Variants in FAM241A observed in about 807,000 individuals in gnomAD.
The protein encoded by FAM241A is uncharacterized protein FAM241A.
FAM241A carries 7 observed loss-of-function variants against 12.2 expected under a neutral mutation model. That is an observed-to-expected ratio of 0.58 (90% CI 0.33 to 1.08). The LOEUF (loss-of-function observed/expected upper bound fraction) is 1.08, where lower values mean the gene tolerates loss of function less well. Ranked by LOEUF, FAM241A falls within the 50% of genes least tolerant of loss-of-function variation. The pLI is 0.04. For missense variants in FAM241A, 161 were observed against 169.7 expected (o/e 0.95, Z 0.29); for synonymous variants, 74 against 68.2 (o/e 1.08, Z -0.42).
intron 1 of FAM241A, among the ~76,000 whole-genome samples, chr4:112,152,857 G>A (rs925731332): frequency 3.3e-5 from 5 of 152,138 alleles, no homozygotes; most frequent in African/African-American, 9.7e-5. Context: ...TTCCTCATTT[G>A]TAATGGGTAT....
intron 1 of FAM241A, among the ~76,000 whole-genome samples, chr4:112,167,121 AAAAAAATAAAAAT>A (rs1723614908): frequency 6.7e-6 from 1 of 150,276 alleles, no homozygotes; most frequent in Non-Finnish European, 1.5e-5. Flanking sequence ...CTCAAAAAAA[AAAAAAATAAAAAT>A]AAAAAATAAA....
intron 1 of FAM241A, among the ~76,000 whole-genome samples, chr4:112,181,072 AT>A (rs1359934547): frequency 1.3e-5 from 2 of 152,180 alleles, no homozygotes; most frequent in Non-Finnish European, 2.9e-5. Flanking sequence ...AGTGGATCAC[AT>A]ACCCTTTCCA....
intron 1 of FAM241A, among the ~76,000 whole-genome samples, chr4:112,163,694 C>A (rs1239925272): frequency 1.3e-5 from 2 of 152,310 alleles, no homozygotes; most frequent in East Asian, 3.9e-4. Context: ...AAAATAGGAA[C>A]ACTTTTCCGC....
chr4:112,153,407 C>T (rs1723282503), intron 1 of FAM241A, among the ~76,000 whole-genome samples: 1 of 152,166 alleles, frequency 6.6e-6, no homozygotes, highest in Non-Finnish European at 1.5e-5. Flanking sequence ...TTCTTTAAGA[C>T]TTAGCAACAC....
At chr4:112,156,546 T>C (rs955320168) in intron 1 of FAM241A, among the ~76,000 whole-genome samples, 1 of 152,206 alleles carries the variant, frequency 6.6e-6, no homozygotes, top group Non-Finnish European at 1.5e-5. Flanking sequence ...AGAAAATTAT[T>C]TGGGCATCTC....
chr4:112,169,877 C>T (rs1463475803), intron 1 of FAM241A, among the ~76,000 whole-genome samples: 1 of 152,134 alleles, frequency 6.6e-6, no homozygotes, highest in Admixed American at 6.5e-5. Context: ...ATTTGTTTAT[C>T]TTCCCTTTCT....
intron 1 of FAM241A, among the ~76,000 whole-genome samples, chr4:112,178,749 G>A (rs2110433012): frequency 6.6e-6 from 1 of 152,174 alleles, no homozygotes; most frequent in South Asian, 2.1e-4. Context: ...ATCTGACAGA[G>A]GTCTAATATA....
intron 1 of FAM241A, among the ~76,000 whole-genome samples, chr4:112,161,468 A>G (rs1424391199): frequency 6.6e-6 from 1 of 152,204 alleles, no homozygotes; most frequent in Non-Finnish European, 1.5e-5. Context: ...ATAAAAAATG[A>G]TAAAGGGGTA....
intron 1 of FAM241A, among the ~76,000 whole-genome samples, chr4:112,162,415 C>T (rs886117045): frequency 3.3e-5 from 5 of 152,178 alleles, no homozygotes; most frequent in South Asian, 2.1e-4. Context: ...AAAACTCCAT[C>T]GTCTCAGTCC....
At chr4:112,176,746 AAAG>A (rs1723829922) in intron 1 of FAM241A, among the ~76,000 whole-genome samples, 1 of 152,228 alleles carries the variant, frequency 6.6e-6, no homozygotes, top group African/African-American at 2.4e-5. Flanking sequence ...TGGACCAAAA[AAAG>A]AGTATCACTG....
chr4:112,145,514 G>T lies in FAM241A; in HGVS notation c.-67G>T. ...ATCCCAGGGCAGCCTTCGGGCGGCGGCGCTGCCTGGTGCGTCGCGGCGTGG... is the reference window on the plus strand; with the variant it reads ...ATCCCAGGGCAGCCTTCGGGCGGCGTCGCTGCCTGGTGCGTCGCGGCGTGG... On this transcript the variant is annotated 5_prime_UTR_variant, in exon 1 of 2. Transcript: ENST00000309733. The T allele has an allele frequency of 8.4e-7, 1 of 1,196,254 alleles. No homozygotes were observed. The highest frequency in any genetic ancestry group is 1.0e-6 in the Non-Finnish European group (1 of 962,366). The allele number at this position is 1,196,254 out of a possible 1,614,324, so 74.1% of individuals were successfully genotyped here.
At chr4:112,183,165 C>T (rs1263821712) in intron 1 of FAM241A, among the ~76,000 whole-genome samples, 1 of 151,494 alleles carries the variant, frequency 6.6e-6, no homozygotes, top group East Asian at 1.9e-4. Flanking sequence ...ATCAGATTAC[C>T]CAGATTAAGA....
At chr4:112,175,034 CA>C (rs1723792198) in intron 1 of FAM241A, among the ~76,000 whole-genome samples, 1 of 152,194 alleles carries the variant, frequency 6.6e-6, no homozygotes, top group South Asian at 2.1e-4. Context: ...GTGCTTACCA[CA>C]ATATCTAGCA....
At chr4:112,182,948 TTTCCA>T (rs971672116) in intron 1 of FAM241A, among the ~76,000 whole-genome samples, 1 of 151,786 alleles carries the variant, frequency 6.6e-6, no homozygotes, top group African/African-American at 2.4e-5. Context: ...TCATTTTCCT[TTTCCA>T]CGTTCTTTTT....
At chr4:112,149,039 T>C (rs1340735675) in intron 1 of FAM241A, among the ~76,000 whole-genome samples, 2 of 152,204 alleles carry the variant, frequency 1.3e-5, no homozygotes, top group Non-Finnish European at 2.9e-5. Context: ...ATTAGAACTA[T>C]AGAAAGATCT....
chr4:112,186,034 C>T (rs1724032883), intron 1 of FAM241A, among the ~76,000 whole-genome samples: 2 of 151,786 alleles, frequency 1.3e-5, no homozygotes, highest in African/African-American at 4.8e-5. Context: ...ACTGTCATGG[C>T]CTTAATTATA....
intron 1 of FAM241A, among the ~76,000 whole-genome samples, chr4:112,181,648 G>A (rs146128564): frequency 2.4e-4 from 36 of 152,346 alleles, no homozygotes; most frequent in African/African-American, 8.7e-4. Flanking sequence ...CTTAAGCTAA[G>A]ACCAAAAGGA....
At chr4:112,168,651 G>C (rs1384603470) in intron 1 of FAM241A, among the ~76,000 whole-genome samples, 1 of 143,840 alleles carries the variant, frequency 7.0e-6, no homozygotes, top group Non-Finnish European at 1.5e-5. Flanking sequence ...AAGAAGGATG[G>C]TTCCTATATT....
At chr4:112,158,645 T>G (rs1170423317) in intron 1 of FAM241A, among the ~76,000 whole-genome samples, 1 of 152,086 alleles carries the variant, frequency 6.6e-6, no homozygotes, top group Non-Finnish European at 1.5e-5. Flanking sequence ...AGCAGAAAGG[T>G]AGACAGGGAA....
Sources: gnomAD v4.1 joint callset for allele counts (sites outside exome capture counted in the v4.1 genomes callset) on GRCh38, gnomAD v4.1.1 for gene constraint, MANE v1.5 for transcripts, NCBI Gene and HGNC (gene_info 2026-07-23, HGNC 2026-07-21) for gene names.